The following ADAMTSL3 variants were observed in gnomAD, a reference collection of about 807,000 sequenced individuals.
The protein encoded by ADAMTSL3 is ADAMTS like 3.
ADAMTSL3 carries 128 observed loss-of-function variants against 201.7 expected under a neutral mutation model. The ratio of observed to expected loss-of-function variants is 0.63; its 90% confidence interval spans 0.55 to 0.73. ADAMTSL3 has a LOEUF of 0.73. Among genes scored for constraint, ADAMTSL3 ranks in the 30% least tolerant of loss-of-function variants. The pLI is 0.00. For synonymous variants in ADAMTSL3, 738 were observed against 748.4 expected (o/e 0.99, Z 0.23); for missense variants, 1,990 against 2,119.6 (o/e 0.94, Z 1.20).
rs762564172 is a variant in ADAMTSL3 at position 84,025,360 on chromosome 15, G to A, written c.4580G>A (p.Cys1527Tyr). The A allele has an allele frequency of 6.2e-7, 1 of 1,614,136 alleles. No homozygotes were observed. The highest frequency in any genetic ancestry group is 1.1e-5 in the South Asian group (1 of 91,070). ...GTGCAGGTGGTGTCTCCAAGAGCAT[G>A]TGCCCCTAAAGACCGGCCTCTGGGA... ...GTVQVVSPRA[C>Y]APKDRPLGRK... The change falls in exon 27 of 30, where the codon TGT (cysteine) becomes TAT (tyrosine). Residue 1527 changes from cysteine (C) to tyrosine (Y), a missense_variant. Transcript: ENST00000286744.
At chr15:83,927,481 C>A (rs1596417368) in intron 17 of ADAMTSL3, among the ~76,000 whole-genome samples, 1 of 152,206 alleles carries the variant, frequency 6.6e-6, no homozygotes, top group South Asian at 2.1e-4. Context: ...CTTACACCTG[C>A]ACTGTATCAG....
chr15:83,835,375 T>C (rs1251304849), intron 6 of ADAMTSL3, among the ~76,000 whole-genome samples: 1 of 152,218 alleles, frequency 6.6e-6, no homozygotes, highest in Non-Finnish European at 1.5e-5. Flanking sequence ...AAATATCATT[T>C]TTCTGTGATG....
chr15:83,751,393 T>C (rs1300976651), intron 3 of ADAMTSL3, among the ~76,000 whole-genome samples: 1 of 152,140 alleles, frequency 6.6e-6, no homozygotes, highest in Non-Finnish European at 1.5e-5. Context: ...ACCTGGAAAT[T>C]AAGTCTCAAA....
intron 3 of ADAMTSL3, among the ~76,000 whole-genome samples, chr15:83,715,797 T>G (rs528990253): frequency 6.6e-6 from 1 of 152,324 alleles, no homozygotes; most frequent in Admixed American, 6.5e-5. Flanking sequence ...CCCCCATTTC[T>G]CTCTGTGTGC....
chr15:83,853,906 C>A (rs1460880028), intron 7 of ADAMTSL3, among the ~76,000 whole-genome samples: 2 of 146,472 alleles, frequency 1.4e-5, no homozygotes, highest in Admixed American at 6.9e-5. Context: ...ATCACTCTAT[C>A]TCTATCTATC....
At chr15:83,907,097 G>GAAA (rs765994439) in intron 15 of ADAMTSL3, among the ~76,000 whole-genome samples, 1 of 74,244 alleles carries the variant, frequency 1.3e-5, no homozygotes, top group Non-Finnish European at 2.4e-5. Context: ...CTGTCTCTGG[G>GAAA]AAAAAAAAAA....
rs1216981662 is a variant in ADAMTSL3 at position 83,768,855 on chromosome 15, C to G, written c.190-4668C>G. The stretch of plus-strand genomic sequence containing the variant: ...GAAATCTGGGATATTATTGCTATTA[C>G]TCTCCAGAGAAATAATACATTAAAA... On this transcript the variant is annotated intron_variant, in intron 3 of 29. Transcript: ENST00000286744. Among the ~76,000 whole-genome samples, 3 of 152,138 alleles carry G rather than the reference C, an allele frequency of 2.0e-5. No individual in the cohort carries two copies. In the East Asian group the frequency reaches 5.8e-4, roughly 29 times the overall value.
chr15:83,719,478 T>C (rs2062067492), intron 3 of ADAMTSL3, among the ~76,000 whole-genome samples: 1 of 152,136 alleles, frequency 6.6e-6, no homozygotes, highest in Non-Finnish European at 1.5e-5. Context: ...TATAAGAAAA[T>C]TGGAAAATTA....
chr15:83,787,684 C>CAAGAGAATTTAGAA (rs559560264), intron 4 of ADAMTSL3, among the ~76,000 whole-genome samples: 232 of 152,186 alleles, frequency 1.5e-3, no homozygotes, highest in African/African-American at 5.0e-3. Flanking sequence ...GTGTTTTATC[C>CAAGAGAATTTAGAA]ACATTTCTAA....
intron 6 of ADAMTSL3, among the ~76,000 whole-genome samples, chr15:83,826,270 C>G (rs537097338): frequency 6.6e-6 from 1 of 152,052 alleles, no homozygotes; most frequent in African/African-American, 2.4e-5. Flanking sequence ...AATGTTCCAC[C>G]ATGCTAGGAT....
chr15:83,795,802 A>C (rs1007780164), intron 4 of ADAMTSL3, among the ~76,000 whole-genome samples: 7 of 152,188 alleles, frequency 4.6e-5, no homozygotes, highest in African/African-American at 1.4e-4. Context: ...GATATCCTTA[A>C]GGTATGGCAG....
chr15:83,669,081 A>G (rs1446071863), intron 2 of ADAMTSL3, among the ~76,000 whole-genome samples: 1 of 152,206 alleles, frequency 6.6e-6, no homozygotes, highest in Non-Finnish European at 1.5e-5. Flanking sequence ...GTCCGATGTT[A>G]TTAGGGCAGG....
At chr15:83,752,330 A>G (rs941408175) in intron 3 of ADAMTSL3, among the ~76,000 whole-genome samples, 3 of 152,130 alleles carry the variant, frequency 2.0e-5, no homozygotes, top group Middle Eastern at 3.2e-3. Context: ...TTTATTCTCT[A>G]TGGTGATTTT....
intron 17 of ADAMTSL3, among the ~76,000 whole-genome samples, chr15:83,940,146 T>C (rs1331719409): frequency 6.6e-6 from 1 of 152,214 alleles, no homozygotes; most frequent in Admixed American, 6.5e-5. Flanking sequence ...CATTTGATAT[T>C]TCTATTAGTG....
intron 2 of ADAMTSL3, among the ~76,000 whole-genome samples, chr15:83,702,477 A>G (rs2061790739): frequency 6.6e-6 from 1 of 152,154 alleles, no homozygotes; most frequent in Admixed American, 6.5e-5. Context: ...CCAAGAGGAA[A>G]AAGTGGTTTT....
chr15:83,991,000 C>G, intron 22 of ADAMTSL3, 86 bp from the exon 23 acceptor site: 1 of 1,577,434 alleles, frequency 6.3e-7, no homozygotes, highest in African/African-American at 1.3e-5. Context: ...CCTCAAAGGG[C>G]TCAACAAAGC....
In ADAMTSL3 at chr15:83,939,625, C is replaced by CT. The variant is rs561880272; in HGVS notation, c.2118-2956dup. Among the ~76,000 whole-genome samples the CT allele has an allele frequency of 1.5e-3, 213 of 140,362 alleles. 1 individual carries two copies. Among genetic ancestry groups the CT allele is most frequent in the Middle Eastern group, 3.7e-3 (1 of 272 alleles). 92.1% of individuals were successfully genotyped at this position (140,362 alleles called of 152,430 possible). On this transcript the variant is annotated intron_variant, in intron 17 of 29. Transcript: ENST00000286744. ...TCTTGTTGGTCTTTTGAAGGACCAA[C>CT]TTTTTTTTTTTTTTTAGACAGAGTC...
intron 19 of ADAMTSL3, among the ~76,000 whole-genome samples, chr15:83,957,042 T>G (rs1188945907): frequency 6.6e-6 from 1 of 152,190 alleles, no homozygotes; most frequent in Non-Finnish European, 1.5e-5. Context: ...GTGTTCTGTC[T>G]ACAGAGCTAC....
intron 3 of ADAMTSL3, among the ~76,000 whole-genome samples, chr15:83,757,904 G>A (rs1464327747): frequency 6.6e-6 from 1 of 152,104 alleles, no homozygotes; most frequent in African/African-American, 2.4e-5. Context: ...CTAAAGCATA[G>A]CAAAAGTCAC....
Sources: gnomAD v4.1 joint callset for allele counts (sites outside exome capture counted in the v4.1 genomes callset) on GRCh38, gnomAD v4.1.1 for gene constraint, MANE v1.5 for transcripts, NCBI Gene and HGNC (gene_info 2026-07-23, HGNC 2026-07-21) for gene names.